ROBO2: variants seen among roughly 807,000 people sequenced by gnomAD.
ROBO2 encodes roundabout guidance receptor 2.
ROBO2 carries 53 observed loss-of-function variants against 160.8 expected under a neutral mutation model. The ratio of observed to expected loss-of-function variants is 0.33; its 90% CI spans 0.26 to 0.41. ROBO2 has a LOEUF of 0.41. Among genes scored for constraint, ROBO2 ranks in the 10% least tolerant of loss-of-function variants. The probability of loss-of-function intolerance (pLI) is 1.00; values close to 1 mark genes in which losing one functional copy is unlikely to be tolerated. For missense variants in ROBO2, 1,577 were observed against 1,722.4 expected (o/e 0.92, Z 1.49); for synonymous variants, 664 against 611.7 (o/e 1.09, Z -1.26).
chr3:76,098,011 T>TG (rs1010173213), intron 2 of ROBO2, among the ~76,000 whole-genome samples: 55 of 152,230 alleles, frequency 3.6e-4, no homozygotes, highest in Non-Finnish European at 6.6e-4. Context: ...CTCCATTTAT[T>TG]TTTTTGCCAT....
chr3:77,593,213 T>TAA (rs35319274), intron 17 of ROBO2, among the ~76,000 whole-genome samples: 119 of 144,180 alleles, frequency 8.3e-4, no homozygotes, highest in African/African-American at 2.7e-3. Context: ...GATAGTCCAT[T>TAA]AAAAAAAAAA....
chr3:77,167,869 A>C (rs1440617486), intron 2 of ROBO2, among the ~76,000 whole-genome samples: 2 of 152,110 alleles, frequency 1.3e-5, no homozygotes, highest in Non-Finnish European at 2.9e-5. Context: ...TTGTCTTCCA[A>C]AAAAGGGGAC....
Position 75,972,985 on chromosome 3 carries a change from TG to T in ROBO2, c.109+35384del, listed in dbSNP as rs1559795461. ...AACTTTGTATCTAAACCATAATCCG[TG>T]AAAAAATCTATTTTCAGTCTTCTAA... is the stretch of plus-strand genomic sequence containing the variant. On this transcript the variant is annotated intron_variant, in intron 2 of 26. Transcript: ENST00000487694. Among the ~76,000 whole-genome samples, 7 of 151,580 alleles carry T rather than the reference TG, an allele frequency of 4.6e-5. No homozygotes were observed. The South Asian group carries it at 1.5e-3, about 31-fold the overall frequency.
intron 2 of ROBO2, among the ~76,000 whole-genome samples, chr3:76,897,347 C>A (rs1465883187): frequency 5.9e-5 from 9 of 152,004 alleles, no homozygotes. Flanking sequence ...TTTGGAGCAC[C>A]CCCAGTGCAT....
chr3:76,763,615 T>C (rs2597245), intron 2 of ROBO2, among the ~76,000 whole-genome samples: 124,058 of 151,526 alleles, frequency 0.82, 50,922 homozygotes, highest in Admixed American at 0.85. Flanking sequence ...TTGATTTATG[T>C]TCTTTCAACT....
chr3:77,420,169 G>A (rs1160407111), intron 2 of ROBO2, among the ~76,000 whole-genome samples: 2 of 152,074 alleles, frequency 1.3e-5, no homozygotes. Flanking sequence ...AAATGAAAGG[G>A]TGTTCTCAGT....
chr3:76,333,045 A>C (rs1416101602), intron 2 of ROBO2, among the ~76,000 whole-genome samples: 1 of 152,198 alleles, frequency 6.6e-6, no homozygotes, highest in Non-Finnish European at 1.5e-5. Flanking sequence ...TTTGCAGGTA[A>C]TGCTGTTGCT....
chr3:76,697,646 A>C (rs1444682642), intron 2 of ROBO2, among the ~76,000 whole-genome samples: 1 of 150,836 alleles, frequency 6.6e-6, no homozygotes, highest in Non-Finnish European at 1.5e-5. Flanking sequence ...ACCCTGTCTC[A>C]AAAAAGAACA....
intron 22 of ROBO2, among the ~76,000 whole-genome samples, chr3:77,621,765 T>C (rs933893360): frequency 1.3e-5 from 2 of 151,986 alleles, no homozygotes; most frequent in Non-Finnish European, 2.9e-5. Context: ...GTGTTCAGGG[T>C]TGGGAGGTAG....
At chr3:76,218,054 A>G (rs141905153) in intron 2 of ROBO2, among the ~76,000 whole-genome samples, 11,558 of 152,260 alleles carry the variant, frequency 0.076, 608 homozygotes, top group East Asian at 0.22. Flanking sequence ...AGAACCAAAG[A>G]CAAAAACCAG....
At chr3:77,048,359 G>A (rs909017818) in intron 1 of ROBO2, among the ~76,000 whole-genome samples, 3 of 152,168 alleles carry the variant, frequency 2.0e-5, no homozygotes, top group Non-Finnish European at 4.4e-5. Flanking sequence ...TATGACATGT[G>A]TGTTTCCATT....
intron 6 of ROBO2, among the ~76,000 whole-genome samples, chr3:77,536,903 C>G (rs898240409): frequency 6.6e-6 from 1 of 152,028 alleles, no homozygotes; most frequent in Non-Finnish European, 1.5e-5. Context: ...TATGTGCCTG[C>G]TTATGAGATC....
exon 26 of ROBO2, chr3:77,646,155 A>G: frequency 1.3e-6 from 1 of 798,034 alleles, no homozygotes; most frequent in Non-Finnish European, 2.0e-6. Flanking sequence ...TTATTTATGT[A>G]CTATTAAAAG....
chr3:77,079,545 C>G (rs2068404208), intron 1 of ROBO2, among the ~76,000 whole-genome samples: 1 of 152,228 alleles, frequency 6.6e-6, no homozygotes, highest in Non-Finnish European at 1.5e-5. Flanking sequence ...TAATCAAGAT[C>G]TACTATGTAA....
intron 2 of ROBO2, among the ~76,000 whole-genome samples, chr3:76,321,115 C>A (rs1482898214): frequency 6.6e-6 from 1 of 152,128 alleles, no homozygotes; most frequent in Non-Finnish European, 1.5e-5. Flanking sequence ...TTGTACAATG[C>A]ATGACCTGTA....
chr3:76,066,643 A>G (rs2068263055), intron 2 of ROBO2, among the ~76,000 whole-genome samples: 1 of 151,962 alleles, frequency 6.6e-6, no homozygotes, highest in East Asian at 1.9e-4. Flanking sequence ...TGCCAATTTT[A>G]TATGTGAATA....
chr3:76,692,312 TGTG>T (rs2092819694), intron 2 of ROBO2, among the ~76,000 whole-genome samples: 1 of 152,116 alleles, frequency 6.6e-6, no homozygotes, highest in Non-Finnish European at 1.5e-5. Flanking sequence ...AGGAAACAAA[TGTG>T]GTTAGATTGG....
At chr3:76,469,761 T>C (rs2078555102) in intron 2 of ROBO2, among the ~76,000 whole-genome samples, 1 of 152,112 alleles carries the variant, frequency 6.6e-6, no homozygotes, top group Admixed American at 6.6e-5. Flanking sequence ...CCCTATGGCT[T>C]GATCTGCTTC....
At chr3:77,036,420 T>A (rs1022032263), upstream of ROBO2, among the ~76,000 whole-genome samples, 16 of 151,982 alleles carry the variant, frequency 1.1e-4, no homozygotes, top group Non-Finnish European at 5.9e-5. Flanking sequence ...GGTTTTGCAG[T>A]TTTTACCACA....
Sources: gnomAD v4.1 joint callset for allele counts (sites outside exome capture counted in the v4.1 genomes callset) on GRCh38, gnomAD v4.1.1 for gene constraint, MANE v1.5 for transcripts, NCBI Gene and HGNC (gene_info 2026-07-23, HGNC 2026-07-21) for gene names.